TCF20: variants seen among roughly 807,000 people sequenced by gnomAD.
TCF20 encodes transcription factor 20, also known as SPRE-binding protein.
TCF20 carries 3 observed loss-of-function variants against 148.6 expected under a neutral mutation model. That is an observed-to-expected ratio of 0.02 (90% CI 0.01 to 0.05). The LOEUF is 0.05. TCF20 is among the 10% of genes least tolerant of loss of function. The pLI, the probability that TCF20 is intolerant of heterozygous loss-of-function variation, is 1.00. For missense variants in TCF20, 2,350 were observed against 2,429.3 expected, an observed-to-expected ratio of 0.97 and a Z score of 0.69; for synonymous variants, 1,049 against 909.5, an observed-to-expected ratio of 1.15 and a Z score of -2.76.
chr22:42,267,487 G>A (rs1403987502), intron 1 of TCF20, among the ~76,000 whole-genome samples: 7 of 152,096 alleles, frequency 4.6e-5, no homozygotes, highest in Non-Finnish European at 8.8e-5. Flanking sequence ...TGGATCATGA[G>A]GTCAAGAGAT....
chr22:42,179,596 G>C lies in TCF20; in HGVS notation c.5749+13C>G. The C allele has an allele frequency of 2.5e-6, 4 of 1,598,092 alleles. No individual in the cohort carries two copies. Among genetic ancestry groups the C allele is most frequent in the Middle Eastern group, 1.7e-4 (1 of 6,030 alleles). ...TTGGATGCTCTGGACAAGGGTCTGT[G>C]GTCTCCTCTTACCTGCATCAATGGC... On this transcript the variant is annotated intron_variant, in intron 3 of 5. Coordinates refer to ENST00000677622, the MANE Select transcript of TCF20 (RefSeq NM_001378418.1).
At chr22:42,284,124 T>C, upstream of TCF20, among the ~76,000 whole-genome samples, 1 of 147,844 alleles carries the variant, frequency 6.8e-6, no homozygotes, top group Non-Finnish European at 1.5e-5. Context: ...GGAGGAGGGA[T>C]GGATGGATGG....
At chr22:42,275,838 C>T (rs1037561589) in intron 1 of TCF20, among the ~76,000 whole-genome samples, 2 of 152,176 alleles carry the variant, frequency 1.3e-5, no homozygotes, top group South Asian at 2.1e-4. Flanking sequence ...ATCTAAGAGT[C>T]GCAGTGACAA....
At chr22:42,163,969 G>A (rs1249979344) in intron 5 of TCF20, among the ~76,000 whole-genome samples, 1 of 151,922 alleles carries the variant, frequency 6.6e-6, no homozygotes, top group African/African-American at 2.4e-5. Context: ...CGCCATCCTC[G>A]CGTCCTTCCA....
intron 1 of TCF20, among the ~76,000 whole-genome samples, chr22:42,254,336 C>G (rs1925602076): frequency 6.6e-6 from 1 of 152,128 alleles, no homozygotes; most frequent in Non-Finnish European, 1.5e-5. Flanking sequence ...TTTCTATAAT[C>G]CAAAACTAAA....
intron 1 of TCF20, among the ~76,000 whole-genome samples, chr22:42,324,076 GTGGTGGTGGTGGTGATGGAGGTTA>G (rs1927813993): frequency 3.5e-5 from 5 of 143,424 alleles, no homozygotes; most frequent in Non-Finnish European, 7.8e-5. Context: ...GGTTATGGTG[GTGGTGGTGGTGGTGATGGAGGTTA>G]TGGTGGTGGT....
chr22:42,238,493 C>T (rs1167976949), intron 1 of TCF20, among the ~76,000 whole-genome samples: 1 of 152,214 alleles, frequency 6.6e-6, no homozygotes, highest in Non-Finnish European at 1.5e-5. Flanking sequence ...GCATTCATAA[C>T]TTGGCCACGT....
chr22:42,261,476 G>A (rs1005129660), intron 1 of TCF20, among the ~76,000 whole-genome samples: 7 of 152,062 alleles, frequency 4.6e-5, no homozygotes, highest in African/African-American at 1.4e-4. Context: ...TGACTCCTAC[G>A]TGTTTTGCTT....
chr22:42,254,802 TA>T (rs1421047065), intron 1 of TCF20, among the ~76,000 whole-genome samples: 2 of 151,884 alleles, frequency 1.3e-5, no homozygotes, highest in Non-Finnish European at 2.9e-5. Flanking sequence ...CCGTCTCTAC[TA>T]AAAATACAAA....
intron 1 of TCF20, among the ~76,000 whole-genome samples, chr22:42,335,540 C>T (rs958042554): frequency 1.3e-5 from 2 of 152,214 alleles, no homozygotes; most frequent in Non-Finnish European, 2.9e-5. Flanking sequence ...TAAGGGACTG[C>T]ATTTGCTGAA....
chr22:42,236,386 T>G (rs1471746260), intron 1 of TCF20, among the ~76,000 whole-genome samples: 2 of 152,128 alleles, frequency 1.3e-5, no homozygotes, highest in African/African-American at 4.8e-5. Context: ...TTCATAGAAA[T>G]CACAGCAGGG....
chr22:42,260,151 G>C (rs1925953290), intron 1 of TCF20, among the ~76,000 whole-genome samples: 1 of 152,082 alleles, frequency 6.6e-6, no homozygotes, highest in African/African-American at 2.4e-5. Context: ...TTGAGAAGCA[G>C]AGTGTTCCAG....
intron 3 of TCF20, 24 bp downstream of exon 3, chr22:42,179,585 C>T: frequency 1.3e-6 from 2 of 1,555,422 alleles, no homozygotes; most frequent in Non-Finnish European, 1.8e-6. Context: ...ATGCTCTGGA[C>T]AAGGGTCTGT....
chr22:42,204,871 ATTAACC>A (rs1160737122), intron 2 of TCF20, among the ~76,000 whole-genome samples: 2 of 152,136 alleles, frequency 1.3e-5, no homozygotes, highest in Non-Finnish European at 2.9e-5. Flanking sequence ...GAAAATAAAA[ATTAACC>A]TAAAACCAGT....
rs571333379 is a variant in TCF20 at position 42,317,175 on chromosome 22, C to T, written c.-37+26304G>A. Among the ~76,000 whole-genome samples the T allele has an allele frequency of 6.6e-6, 1 of 152,294 alleles. No individual in the cohort carries two copies. Among genetic ancestry groups the T allele is most frequent in the Admixed American group, 6.5e-5 (1 of 15,304 alleles). ...TCTGACTCACCCCACCTTCCCCGCC[C>T]GCCCTCACTCGGCACACCCTCAACA... is the stretch of plus-strand genomic sequence containing the variant. On this transcript the variant is annotated intron_variant, in intron 1 of 1. Transcript: ENST00000515426. This position sits in a 1 kb window ranked among gnomAD's most constrained non-coding sequence, Gnocchi z 4.2.
At chr22:42,225,407 G>A (rs1041452406) in intron 1 of TCF20, among the ~76,000 whole-genome samples, 4 of 151,454 alleles carry the variant, frequency 2.6e-5, no homozygotes, top group African/African-American at 9.7e-5. Context: ...GAGGTCAGGA[G>A]ATCGAGACCA....
intron 3 of TCF20, among the ~76,000 whole-genome samples, chr22:42,178,965 A>T (rs908743352): frequency 2.0e-5 from 3 of 152,000 alleles, no homozygotes; most frequent in African/African-American, 7.3e-5. Context: ...AATGCTCGAC[A>T]TTAGCCATCA....
chr22:42,341,227 GACGCCGTC>G (rs1376412980), intron 1 of TCF20, among the ~76,000 whole-genome samples: 1 of 152,212 alleles, frequency 6.6e-6, no homozygotes, highest in African/African-American at 2.4e-5. Flanking sequence ...GCTCAGGGCA[GACGCCGTC>G]ACCCCGGGGG....
chr22:42,253,271 G>C (rs1166706830), intron 1 of TCF20, among the ~76,000 whole-genome samples: 2 of 152,272 alleles, frequency 1.3e-5, no homozygotes, highest in East Asian at 3.9e-4. Context: ...TCAGTGTTGT[G>C]ACTTCACATT....
Sources: allele counts gnomAD v4.1 joint callset (sites outside exome capture counted in the v4.1 genomes callset), GRCh38; gene constraint gnomAD v4.1.1; non-coding constraint Gnocchi (gnomAD v3.1); transcripts MANE v1.5; gene names NCBI Gene and HGNC (gene_info 2026-07-23, HGNC 2026-07-21).